IMMP1L: variants seen among roughly 807,000 people sequenced by gnomAD.
IMMP1L encodes the protein inner mitochondrial membrane peptidase subunit 1.
IMMP1L carries 24 observed loss-of-function variants against 21.8 expected under a neutral mutation model. That is an observed-to-expected ratio of 1.10 (90% CI 0.80 to 1.55). The LOEUF (loss-of-function observed/expected upper bound fraction) is 1.55, where lower values mean the gene tolerates loss of function less well. Among genes scored for constraint, IMMP1L ranks in the 40% most tolerant of loss-of-function variants. The pLI is 0.00. For missense variants in IMMP1L, 195 were observed against 200.7 expected, an observed-to-expected ratio of 0.97 and a Z score of 0.17; for synonymous variants, 46 against 62.8, an observed-to-expected ratio of 0.73 and a Z score of 1.26.
At chr11:31,467,267 T>C (rs1341516935) in intron 1 of IMMP1L, among the ~76,000 whole-genome samples, 2 of 152,140 alleles carry the variant, frequency 1.3e-5, no homozygotes, top group African/African-American at 4.8e-5. Context: ...TATTTGTCTG[T>C]TTGCCTATAA....
chr11:31,500,814 T>C (rs1035830593), intron 1 of IMMP1L, among the ~76,000 whole-genome samples: 13 of 152,212 alleles, frequency 8.5e-5, no homozygotes, highest in Admixed American at 5.9e-4. Flanking sequence ...TGCTCATTCA[T>C]ATACATGTTA....
intron 1 of IMMP1L, among the ~76,000 whole-genome samples, chr11:31,489,063 A>AT (rs1271784812): frequency 9.9e-5 from 15 of 151,474 alleles, no homozygotes; most frequent in Non-Finnish European, 1.6e-4. Context: ...TGCCCAGCTA[A>AT]TTTTTTTGTA....
intron 4 of IMMP1L, chr11:31,453,211 TC>T: frequency 3.1e-6 from 2 of 653,858 alleles, no homozygotes; most frequent in Non-Finnish European, 4.5e-6. Flanking sequence ...TGATCCCACA[TC>T]ACTACATCAC....
chr11:31,481,603 G>A (rs1054390433), intron 1 of IMMP1L, among the ~76,000 whole-genome samples: 1 of 151,564 alleles, frequency 6.6e-6, no homozygotes, highest in South Asian at 2.1e-4. Flanking sequence ...AAATATCAGG[G>A]CATGAAAAAA....
At chr11:31,448,393 A>G (rs1409114986) in intron 4 of IMMP1L, among the ~76,000 whole-genome samples, 1 of 152,194 alleles carries the variant, frequency 6.6e-6, no homozygotes, top group Non-Finnish European at 1.5e-5. Context: ...CTTACTACCA[A>G]CAGAGTTTGG....
In IMMP1L at chr11:31,501,790, CAAATAAATAAAT is replaced by C. The variant is rs55861509; in HGVS notation, c.-30+7717_-30+7728del. Among the ~76,000 whole-genome samples, 187 of 139,684 alleles carry C rather than the reference CAAATAAATAAAT, an allele frequency of 1.3e-3. 1 individual carries two copies. The highest frequency in any genetic ancestry group is 1.6e-3 in the Non-Finnish European group (106 of 65,102). 91.6% of individuals were successfully genotyped at this position (139,684 alleles called of 152,430 possible). On this transcript the variant is annotated intron_variant, in intron 1 of 5. Transcript: ENST00000532287. ...CCAAAACAGTGAAACCCCATCTCTA[CAAATAAATAAAT>C]AAATAAATAAATAAATAAATAAATA... is the stretch of plus-strand genomic sequence containing the variant.
chr11:31,487,664 AC>A (rs1955128015), intron 1 of IMMP1L, among the ~76,000 whole-genome samples: 1 of 152,136 alleles, frequency 6.6e-6, no homozygotes. Flanking sequence ...CTTTGGAAAA[AC>A]AAAAGTACAG....
intron 1 of IMMP1L, among the ~76,000 whole-genome samples, chr11:31,485,958 C>T (rs1318889835): frequency 1.3e-5 from 2 of 151,594 alleles, no homozygotes; most frequent in Non-Finnish European, 3.0e-5. Context: ...AGTAAAACTT[C>T]TCGGTTAAAA....
At position 31,432,575 on chromosome 11, in the gene IMMP1L, A is replaced by C; in HGVS notation, c.433-7T>G. The C allele has an allele frequency of 6.2e-7, 1 of 1,601,706 alleles. No individual in the cohort carries two copies. The highest frequency in any genetic ancestry group is 8.6e-7 in the Non-Finnish European group (1 of 1,168,814). On this transcript the variant is annotated splice_region_variant and splice_polypyrimidine_tract_variant and intron_variant, in intron 5 of 5. Coordinates refer to ENST00000532287, the MANE Select transcript of IMMP1L (RefSeq NM_001304274.2). ...AATCACTCAGAGGCCAAATCTGTAA[A>C]ATCAAAATGAGGTTGAAGACAATTA...
At chr11:31,444,139 T>A (rs79556461) in intron 4 of IMMP1L, among the ~76,000 whole-genome samples, 3,065 of 152,282 alleles carry the variant, frequency 0.02, 89 homozygotes, top group African/African-American at 0.069. Context: ...GCATACTAGT[T>A]AAGCACCTTG....
chr11:31,501,490 C>T (rs1490948054), intron 1 of IMMP1L, among the ~76,000 whole-genome samples: 3 of 152,052 alleles, frequency 2.0e-5, no homozygotes, highest in Non-Finnish European at 4.4e-5. Flanking sequence ...GGATACCAGC[C>T]CCTCAATCTT....
intron 1 of IMMP1L, among the ~76,000 whole-genome samples, chr11:31,476,870 G>A (rs187479049): frequency 1.3e-3 from 203 of 152,032 alleles, no homozygotes; most frequent in Middle Eastern, 3.4e-3. Context: ...ACTTGATAAA[G>A]TTTTTAGTTG....
At chr11:31,495,937 T>C (rs777779535) in intron 1 of IMMP1L, among the ~76,000 whole-genome samples, 2 of 152,244 alleles carry the variant, frequency 1.3e-5, no homozygotes, top group East Asian at 3.9e-4. Flanking sequence ...ATTCATTGAA[T>C]ATGGCAACAA....
chr11:31,437,539 A>G (rs972112695), intron 4 of IMMP1L, among the ~76,000 whole-genome samples: 3 of 152,150 alleles, frequency 2.0e-5, no homozygotes, highest in African/African-American at 7.2e-5. Flanking sequence ...TTTTAAATAT[A>G]TAATTATTTT....
intron 1 of IMMP1L, among the ~76,000 whole-genome samples, chr11:31,502,023 T>C (rs186029852): frequency 1.7e-3 from 256 of 151,656 alleles, no homozygotes; most frequent in Middle Eastern, 3.4e-3. Context: ...AATGCATACA[T>C]CAAAGACCTT....
At chr11:31,481,020 G>T (rs558841279) in intron 1 of IMMP1L, among the ~76,000 whole-genome samples, 43 of 152,180 alleles carry the variant, frequency 2.8e-4, no homozygotes, top group African/African-American at 9.1e-4. Context: ...GATTCAAACT[G>T]CAGTGCAGCT....
intron 1 of IMMP1L, among the ~76,000 whole-genome samples, chr11:31,487,609 T>C (rs1437911665): frequency 6.6e-6 from 1 of 152,160 alleles, no homozygotes; most frequent in Non-Finnish European, 1.5e-5. Context: ...AGCATAGTTA[T>C]ACAATGTCTA....
intron 4 of IMMP1L, 110 bp downstream of exon 4, chr11:31,456,150 C>CCT (rs1953928886): frequency 1.5e-6 from 1 of 678,172 alleles, no homozygotes; most frequent in African/African-American, 1.8e-5. Flanking sequence ...TACTGGATGC[C>CCT]CTTTTTTCTT....
chr11:31,451,264 C>T (rs1015831968), intron 4 of IMMP1L, among the ~76,000 whole-genome samples: 19 of 152,024 alleles, frequency 1.2e-4, no homozygotes, highest in Non-Finnish European at 2.4e-4. Flanking sequence ...AAAGCATCAT[C>T]ATCAAAAAGG....
Sources: allele counts gnomAD v4.1 joint callset (sites outside exome capture counted in the v4.1 genomes callset), GRCh38; gene constraint gnomAD v4.1.1; transcripts MANE v1.5; gene names NCBI Gene and HGNC (gene_info 2026-07-23, HGNC 2026-07-21).